The following NOTCH3 variants were observed in gnomAD, a reference collection of about 807,000 sequenced individuals.
NOTCH3 encodes the protein notch receptor 3.
Under a neutral mutation model 213.3 loss-of-function variants are expected in NOTCH3, and 86 were observed. That is an observed-to-expected ratio of 0.40 (90% CI 0.34 to 0.48). NOTCH3 has a LOEUF of 0.48. Among genes scored for constraint, NOTCH3 ranks in the 20% least tolerant of loss-of-function variants. The pLI, the probability that NOTCH3 is intolerant of heterozygous loss-of-function variation, is 0.57. For synonymous variants in NOTCH3, 1,354 were observed against 1,355.9 expected (o/e 1.00, Z 0.03); for missense variants, 2,783 against 3,272.6 (o/e 0.85, Z 3.65).
At position 15,189,368 on chromosome 19, in the gene NOTCH3, CAGAT is replaced by C; in HGVS notation, c.1093_1096del (p.Ile365ValfsTer6). The C allele has an allele frequency of 6.2e-7, 1 of 1,614,014 alleles. No individual in the cohort carries two copies. Among genetic ancestry groups the C allele is most frequent in the Non-Finnish European group, 8.5e-7 (1 of 1,180,042 alleles). ...CCGGCCGTTCACCGGATTTGTGTCA[CAGAT>C]AGCATCCTCGTGGCAGGGGTTGCTG... On this transcript the variant is annotated frameshift_variant, in exon 7 of 33. Coordinates refer to ENST00000263388, the MANE Select transcript of NOTCH3 (RefSeq NM_000435.3). LOFTEE classifies it high-confidence loss of function.
Position 15,160,212 on chromosome 19 carries a change from G to A in NOTCH3, c.*450C>T, listed in dbSNP as rs1329420985. 4.1e-6 allele frequency: 1 copy of A among 241,294 alleles called. No individual in the cohort carries two copies. Among genetic ancestry groups the A allele is most frequent in the Non-Finnish European group, 8.1e-6 (1 of 124,022 alleles). 14.9% of individuals were successfully genotyped at this position (241,294 alleles called of 1,614,324 possible). The stretch of plus-strand genomic sequence containing the variant: ...GACTCAGCCCCACGGGGGCACTGGG[G>A]GGTTCACAGGGGGAGGGAGCATCTC... On this transcript the variant is annotated 3_prime_UTR_variant, in exon 33 of 33. Transcript: ENST00000263388.
At chr19:15,178,796 C>T in intron 23 of NOTCH3, 27 bp downstream of exon 23, 1 of 1,528,124 alleles carries the variant, frequency 6.5e-7, no homozygotes, top group East Asian at 2.3e-5. Flanking sequence ...CCCTACTCCT[C>T]CTCCAAAGGC....
At chr19:15,190,152 T>C (rs989685361) in intron 6 of NOTCH3, among the ~76,000 whole-genome samples, 5 of 152,066 alleles carry the variant, frequency 3.3e-5, no homozygotes, top group Non-Finnish European at 7.4e-5. Flanking sequence ...CGCACGCCTG[T>C]AATCCCAGCT....
rs764617561 is a variant in NOTCH3, at chr19:15,179,177, A to G, written c.3566T>C (p.Phe1189Ser). ...NGTCVDLVGG[F>S]RCTCPPGYTG... ...GTATCCTGGGGGACAGGTGCAGCGG[A>G]AACCACCCACCAGGTCCACGCAGGT... is the stretch of plus-strand genomic sequence containing the variant. Residue 1189 changes from phenylalanine to serine, a missense_variant, in exon 22 of 33, where the codon TTC (phenylalanine) becomes TCC (serine). Coordinates refer to ENST00000263388, the MANE Select transcript of NOTCH3 (RefSeq NM_000435.3). 22 of 1,613,804 alleles carry G rather than the reference A, an allele frequency of 1.4e-5. No individual in the cohort carries two copies. The highest frequency in any genetic ancestry group is 1.8e-5 in the Non-Finnish European group (21 of 1,179,968).
chr19:15,176,159 A>ATTT (rs34620350), intron 24 of NOTCH3, among the ~76,000 whole-genome samples: 13 of 119,964 alleles, frequency 1.1e-4, no homozygotes, highest in South Asian at 2.5e-4. Context: ...AACAAAAGCA[A>ATTT]TTTTTTTTTT....
At chr19:15,193,334 T>C (rs1362620690) in intron 2 of NOTCH3, among the ~76,000 whole-genome samples, 2 of 148,866 alleles carry the variant, frequency 1.3e-5, no homozygotes, top group East Asian at 4.1e-4. Flanking sequence ...CCTCCCGGGG[T>C]TCAAGCAATT....
chr19:15,167,160 C>G (rs2046692685), intron 29 of NOTCH3, 89 bp downstream of exon 29: 1 of 1,413,178 alleles, frequency 7.1e-7, no homozygotes, highest in East Asian at 2.3e-5. Context: ...GAGACTCCCC[C>G]AGTTCTCCCC....
At position 15,161,145 on chromosome 19, in the gene NOTCH3, G is replaced by T; in HGVS notation, c.6483C>A (p.Gly2161=). 1 of 1,539,310 alleles carries T rather than the reference G, an allele frequency of 6.5e-7. No individual in the cohort carries two copies. The highest frequency in any genetic ancestry group is 8.7e-7 in the Non-Finnish European group (1 of 1,148,662). ...GGGGCACAGCCACAGGGTTCAGCAG[G>T]CCCAGGCTGAGTACACATCCTCCAG... The part of the protein sequence containing the change: ...QPPGGCVLSL[G]LLNPVAVPLD... Residue 2161 remains glycine (G), a synonymous_variant, in exon 33 of 33, where the codon GGC becomes GGA. Coordinates refer to ENST00000263388, the MANE Select transcript of NOTCH3 (RefSeq NM_000435.3).
intron 1 of NOTCH3, among the ~76,000 whole-genome samples, chr19:15,198,931 G>A (rs762580016): frequency 1.3e-5 from 2 of 151,932 alleles, no homozygotes; most frequent in South Asian, 2.1e-4. Context: ...AGAGAGAGAA[G>A]GACAGAAAGA....
chr19:15,189,179 C>T lies in NOTCH3; in HGVS notation c.1193-5G>A, dbSNP rs769256580. The T allele has an allele frequency of 6.2e-6, 10 of 1,613,322 alleles. No homozygotes were observed. Among genetic ancestry groups the T allele is most frequent in the East Asian group, 2.2e-5 (1 of 44,876 alleles). On this transcript the variant is annotated splice_region_variant and splice_polypyrimidine_tract_variant and intron_variant, in intron 7 of 32. Coordinates refer to ENST00000263388, the MANE Select transcript of NOTCH3 (RefSeq NM_000435.3). ...AGTGCTCGCAGGGGTTGGCGCCTGCCGGATGGAGTGCGATCGGTGTGGGCG... is the reference window on the plus strand; with the variant it reads ...AGTGCTCGCAGGGGTTGGCGCCTGCTGGATGGAGTGCGATCGGTGTGGGCG...
chr19:15,167,400 T>C lies in NOTCH3; in HGVS notation c.5211A>G (p.Pro1737=). The stretch of plus-strand genomic sequence containing the variant: ...CCACAGCCTCCTCAGCCCCCATGCC[T>C]GGCTCCTCTACCTGGAGGGGCAGGC... ...PEAKRLKVEE[P]GMGAEEAVDC... is the part of the protein sequence containing the mutation. Residue 1737 remains proline, a synonymous_variant, in exon 29 of 33, where the codon CCA becomes CCG. Transcript: ENST00000263388. The C allele has an allele frequency of 6.2e-7, 1 of 1,606,276 alleles. No homozygotes were observed. The highest frequency in any genetic ancestry group is 1.1e-5 in the South Asian group (1 of 91,022).
chr19:15,166,694 C>T (rs778366457), intron 29 of NOTCH3, among the ~76,000 whole-genome samples: 24 of 152,256 alleles, frequency 1.6e-4, no homozygotes, highest in Admixed American at 1.0e-3. Context: ...CAACATAGTC[C>T]GCTACACTGC....
Position 15,180,283 on chromosome 19 carries a change from C to T in NOTCH3, c.3143-27G>A, listed in dbSNP as rs777420188. 3.1e-6 allele frequency: 5 copies of T among 1,611,798 alleles called. No homozygotes were observed. In the African/African-American group the frequency reaches 5.3e-5, roughly 17 times the overall value. ...TGCAAAGAGGAGAGTGGCACAGGAA[C>T]AGAGGTAACCCCATACATCCCCCTT... On this transcript the variant is annotated intron_variant, in intron 19 of 32. Coordinates refer to ENST00000263388, the MANE Select transcript of NOTCH3 (RefSeq NM_000435.3).
At position 15,199,909 on chromosome 19, in the gene NOTCH3, G is replaced by T. The variant is rs558408851; in HGVS notation, c.118+879C>A. Among the ~76,000 whole-genome samples the T allele has an allele frequency of 3.3e-3, 503 of 152,190 alleles. 2 individuals carry two copies. The highest frequency in any genetic ancestry group is 5.5e-3 in the Non-Finnish European group (372 of 67,958). ...CCAGGCCTCCCGTAGCGGTGAGGGG[G>T]GTGCCCCCGCAGCCCCCTCCCCGGC... On this transcript the variant is annotated intron_variant, in intron 1 of 32. Transcript: ENST00000263388.
In NOTCH3 at chr19:15,171,308, C is replaced by G. The variant is rs535872689; in HGVS notation, c.4737-483G>C. Reference sequence around the variant, plus strand: ...CCTCCCAAAGTGCTGGGATTACAGGCGTGAGCCGCCACTGTGCCTGGCCTG... The same window carrying G: ...CCTCCCAAAGTGCTGGGATTACAGGGGTGAGCCGCCACTGTGCCTGGCCTG... On this transcript the variant is annotated intron_variant, in intron 25 of 32. Transcript: ENST00000263388. Among the ~76,000 whole-genome samples the G allele has an allele frequency of 1.6e-3, 247 of 152,216 alleles. 3 individuals are homozygous for G. Among genetic ancestry groups the G allele is most frequent in the African/African-American group, 5.6e-3 (232 of 41,488 alleles).
At chr19:15,172,653 A>G (rs1205712366) in intron 25 of NOTCH3, among the ~76,000 whole-genome samples, 1 of 149,598 alleles carries the variant, frequency 6.7e-6, no homozygotes, top group Non-Finnish European at 1.5e-5. Flanking sequence ...GGATACTTCT[A>G]TATTTTTTCT....
At position 15,162,511 on chromosome 19, in the gene NOTCH3, A is replaced by G. The variant is rs2046653241; in HGVS notation, c.5867T>C (p.Leu1956Ser). ...AAAVNNVEAT[L>S]ALLKNGANKD... ...ATTGGCTCCATTTTTGAGCAGGGCC[A>G]AAGTGGCTTCCACGTTGTTCACAGC... Residue 1956 changes from leucine (L) to serine (S), a missense_variant, in exon 32 of 33, where the codon TTG becomes TCG. Coordinates refer to ENST00000263388, the MANE Select transcript of NOTCH3 (RefSeq NM_000435.3). 1 of 1,613,922 alleles carries G rather than the reference A, an allele frequency of 6.2e-7. No individual in the cohort carries two copies. Among genetic ancestry groups the G allele is most frequent in the African/African-American group, 1.3e-5 (1 of 74,890 alleles).
At chr19:15,175,533 T>TAAAAAAA (rs34762214) in intron 24 of NOTCH3, among the ~76,000 whole-genome samples, 1 of 44,222 alleles carries the variant, frequency 2.3e-5, no homozygotes, top group African/African-American at 9.6e-5. Flanking sequence ...AAATCCTGTC[T>TAAAAAAA]AAAAAAAAAA....
chr19:15,179,277 G>A lies in NOTCH3; in HGVS notation c.3466C>T (p.Leu1156Phe). 2 of 1,613,944 alleles carry A rather than the reference G, an allele frequency of 1.2e-6. No individual in the cohort carries two copies. The highest frequency in any genetic ancestry group is 1.7e-6 in the Non-Finnish European group (2 of 1,180,020). ...CAGTCATCCTCATTAATCTCGCAGA[G>A]CACCCCTGGGGGAAGAAACGAGGGG... ...CSCPPGTLGV[L>F]CEINEDDCGP... is the part of the protein sequence containing the mutation. The change falls in exon 22 of 33, where the codon CTC (leucine) becomes TTC (phenylalanine). Residue 1156 changes from leucine (L) to phenylalanine (F), a missense_variant. By Grantham distance (22) the Leu-to-Phe change is conservative (BLOSUM62 0). This residue lies in a region of NOTCH3 where 861 missense variants were observed against 909.1 expected (regional missense o/e 0.95). Transcript: ENST00000263388.
Sources: allele counts gnomAD v4.1 joint callset (sites outside exome capture counted in the v4.1 genomes callset), GRCh38; gene constraint gnomAD v4.1.1; regional missense constraint gnomAD v4.1.1; transcripts MANE v1.5; gene names NCBI Gene and HGNC (gene_info 2026-07-23, HGNC 2026-07-21).